The following FBXO40 variants were observed in gnomAD, a reference collection of about 807,000 sequenced individuals.
The protein encoded by FBXO40 is F-box protein 40.
In FBXO40, 50 loss-of-function variants were observed where a neutral mutation model predicts 49.9. The ratio of observed to expected loss-of-function variants is 1.00; its 90% CI spans 0.80 to 1.27. The LOEUF is 1.27. Among genes scored for constraint, FBXO40 ranks in the 50% most tolerant of loss-of-function variants. The pLI, the probability that FBXO40 is intolerant of heterozygous loss-of-function variation, is 0.00. For synonymous variants in FBXO40, 340 were observed against 320.2 expected (o/e 1.06, Z -0.66); for missense variants, 895 against 870.1 (o/e 1.03, Z -0.36).
intron 1 of FBXO40, among the ~76,000 whole-genome samples, chr3:121,616,622 A>T (rs1197286750): frequency 6.6e-6 from 1 of 152,244 alleles, no homozygotes. Flanking sequence ...CTAATGAACA[A>T]TAGTGTTTAA....
chr3:121,611,050 T>C (rs1392279856), intron 1 of FBXO40, among the ~76,000 whole-genome samples: 1 of 152,242 alleles, frequency 6.6e-6, no homozygotes, highest in Non-Finnish European at 1.5e-5. Context: ...TTTCTTCTTC[T>C]GTGAAGCAGG....
chr3:121,624,619 C>T (rs552487800), intron 3 of FBXO40, among the ~76,000 whole-genome samples: 1 of 152,226 alleles, frequency 6.6e-6, no homozygotes, highest in East Asian at 1.9e-4. Context: ...GGAAGAATGA[C>T]GTTGAAGTAT....
chr3:121,612,921 T>C (rs897771022), intron 1 of FBXO40, among the ~76,000 whole-genome samples: 1 of 151,772 alleles, frequency 6.6e-6, no homozygotes, highest in South Asian at 2.1e-4. Flanking sequence ...TACAAAAAAA[T>C]TAGCCAGGCA....
chr3:121,612,851 C>T (rs529977829), intron 1 of FBXO40, among the ~76,000 whole-genome samples: 3 of 152,124 alleles, frequency 2.0e-5, no homozygotes, highest in East Asian at 1.9e-4. Flanking sequence ...TGGCAGATCA[C>T]GAGGTCAGTG....
intron 1 of FBXO40, among the ~76,000 whole-genome samples, chr3:121,610,681 C>G (rs1426220886): frequency 1.3e-5 from 2 of 152,006 alleles, no homozygotes; most frequent in Admixed American, 6.6e-5. Context: ...ACTCTGTTGC[C>G]CAGGCTGGGG....
intron 1 of FBXO40, among the ~76,000 whole-genome samples, chr3:121,616,920 C>G (rs1172116667): frequency 6.6e-6 from 1 of 152,098 alleles, no homozygotes; most frequent in African/African-American, 2.4e-5. Context: ...TAGAAAGACA[C>G]GTATTGCATG....
At chr3:121,603,211 G>A (rs1269195352) in intron 1 of FBXO40, among the ~76,000 whole-genome samples, 3 of 152,148 alleles carry the variant, frequency 2.0e-5, no homozygotes, top group African/African-American at 4.8e-5. Context: ...CAGACCCCAA[G>A]AGCAGATTCT....
At chr3:121,608,966 A>C (rs977236873) in intron 1 of FBXO40, among the ~76,000 whole-genome samples, 1 of 152,218 alleles carries the variant, frequency 6.6e-6, no homozygotes, top group Non-Finnish European at 1.5e-5. Flanking sequence ...TTTGTCTGCT[A>C]TTCTCATTCC....
At chr3:121,595,626 A>G (rs2048867706) in intron 1 of FBXO40, among the ~76,000 whole-genome samples, 1 of 152,226 alleles carries the variant, frequency 6.6e-6, no homozygotes, top group Non-Finnish European at 1.5e-5. Context: ...AGGTACTGGA[A>G]TCGCAGCGTC....
chr3:121,626,659 C>G, intron 3 of FBXO40, 36 bp from the exon 4 acceptor site: 1 of 1,592,960 alleles, frequency 6.3e-7, no homozygotes, highest in Non-Finnish European at 8.6e-7. Flanking sequence ...GGTAACACCC[C>G]TATATTCACC....
intron 1 of FBXO40, among the ~76,000 whole-genome samples, chr3:121,597,670 T>C (rs1241662933): frequency 6.7e-6 from 1 of 149,592 alleles, no homozygotes; most frequent in Non-Finnish European, 1.5e-5. Context: ...TTTTTTTTTT[T>C]TTTTTTTTTG....
In FBXO40 at chr3:121,623,350, A is replaced by G; in HGVS notation, c.1914+7A>G. On this transcript the variant is annotated splice_region_variant and intron_variant, in intron 3 of 3. Coordinates refer to ENST00000338040, the MANE Select transcript of FBXO40 (RefSeq NM_016298.4). ...CTGGAGAGTCCACAGAGAGGTAAGT[A>G]AACACTCATTTATTGATTGACTCAT... 1 of 1,603,016 alleles carries G rather than the reference A, an allele frequency of 6.2e-7. No homozygotes were observed. Among genetic ancestry groups the G allele is most frequent in the East Asian group, 2.2e-5 (1 of 44,756 alleles).
chr3:121,623,220 C>G lies in FBXO40; in HGVS notation c.1791C>G (p.Ser597=). Residue 597 remains serine (S), a synonymous_variant, in exon 3 of 4, where the codon TCC becomes TCG. Transcript: ENST00000338040. ...ACAGCGTCAGCCTGGCCCAGCTCTC[C>G]CAGGTGTCTGTGCTGATGAGGAATA... ...FLDSVSLAQL[S]QVSVLMRNIC... 6.2e-7 allele frequency: 1 copy of G among 1,614,150 alleles called. No individual in the cohort carries two copies. Among genetic ancestry groups the G allele is most frequent in the Non-Finnish European group, 8.5e-7 (1 of 1,180,018 alleles).
chr3:121,623,209 G>A lies in FBXO40; in HGVS notation c.1780G>A (p.Ala594Thr), dbSNP rs145018488. 4.3e-6 allele frequency: 7 copies of A among 1,614,174 alleles called. No homozygotes were observed. The highest frequency in any genetic ancestry group is 5.1e-6 in the Non-Finnish European group (6 of 1,180,026). The change falls in exon 3 of 4, where the codon GCC (alanine) becomes ACC (threonine). Residue 594 changes from alanine to threonine, a missense_variant. Ala to Thr is a moderately conservative substitution (Grantham distance 58). Coordinates refer to ENST00000338040, the MANE Select transcript of FBXO40 (RefSeq NM_016298.4). ...TGGGTTCTTGGACAGCGTCAGCCTG[G>A]CCCAGCTCTCCCAGGTGTCTGTGCT... ...IAGFLDSVSL[A>T]QLSQVSVLMR...
chr3:121,607,300 C>CTTTTTTTTTTTTTTT lies in FBXO40; in HGVS notation c.-30-13235_-30-13221dup, dbSNP rs555162944. On this transcript the variant is annotated intron_variant, in intron 1 of 3. Coordinates refer to ENST00000338040, the MANE Select transcript of FBXO40 (RefSeq NM_016298.4). The stretch of plus-strand genomic sequence containing the variant: ...AAAAAATTGAGAGACCTCTAAAGCT[C>CTTTTTTTTTTTTTTT]TTTTTTTTTTTTTTTTTTTTTTTTT... 1.8e-4 allele frequency among the ~76,000 whole-genome samples: 11 copies of CTTTTTTTTTTTTTTT among 60,126 alleles called. 1 individual carries two copies. The highest frequency in any genetic ancestry group is 6.7e-4 in the East Asian group (1 of 1,494). 39.4% of individuals were successfully genotyped at this position (60,126 alleles called of 152,430 possible).
intron 1 of FBXO40, among the ~76,000 whole-genome samples, chr3:121,618,801 G>A (rs752147559): frequency 1.3e-5 from 2 of 151,734 alleles, no homozygotes; most frequent in Non-Finnish European, 2.9e-5. Flanking sequence ...GAGACAGAGA[G>A]GAGAGAAAGA....
Position 121,623,039 on chromosome 3 carries a change from G to T in FBXO40, c.1610G>T (p.Ser537Ile), listed in dbSNP as rs1291878766. Residue 537 changes from serine (S) to isoleucine (I), a missense_variant, in exon 3 of 4, where the codon AGC becomes ATC. Physicochemically the swap from Ser to Ile is moderately radical, Grantham distance 142. Transcript: ENST00000338040. ...GGGCAAAAGGCAAAAGTAATCTATA[G>T]CCAGGAGCTCAAGACCTTTGCCATT... ...PPGQKAKVIY[S>I]QELKTFAIKP... The T allele has an allele frequency of 6.2e-7, 1 of 1,614,178 alleles. No homozygotes were observed. Among genetic ancestry groups the T allele is most frequent in the Non-Finnish European group, 8.5e-7 (1 of 1,180,038 alleles).
chr3:121,619,998 C>A (rs923068009), intron 1 of FBXO40, among the ~76,000 whole-genome samples: 1 of 152,184 alleles, frequency 6.6e-6, no homozygotes, highest in African/African-American at 2.4e-5. Context: ...ACTTCTGGGA[C>A]CTTTGGGGTT....
intron 1 of FBXO40, among the ~76,000 whole-genome samples, chr3:121,597,157 A>C (rs1384320691): frequency 2.0e-5 from 3 of 152,202 alleles, no homozygotes; most frequent in African/African-American, 7.2e-5. Context: ...CAATCACAAG[A>C]GAGAAGGCAA....
Sources: gnomAD v4.1 joint callset for allele counts (sites outside exome capture counted in the v4.1 genomes callset) on GRCh38, gnomAD v4.1.1 for gene constraint, MANE v1.5 for transcripts, NCBI Gene and HGNC (gene_info 2026-07-23, HGNC 2026-07-21) for gene names.